ADAMTS6: variants seen among roughly 807,000 people sequenced by gnomAD.
ADAMTS6 encodes the protein A disintegrin and metalloproteinase with thrombospondin motifs 6.
A neutral mutation model predicts 144.3 loss-of-function variants in ADAMTS6; 23 were observed. The observed-to-expected ratio is 0.16, with a 90% CI of 0.11 to 0.23. The LOEUF (loss-of-function observed/expected upper bound fraction) is 0.23. Ranked by LOEUF, ADAMTS6 falls within the 10% of genes least tolerant of loss-of-function variation. The probability of loss-of-function intolerance (pLI) is 1.00; values close to 1 mark genes in which losing one functional copy is unlikely to be tolerated. For missense variants in ADAMTS6, 999 were observed against 1,379.6 expected, an observed-to-expected ratio of 0.72 and a Z score of 4.37; for synonymous variants, 444 against 457.5, an observed-to-expected ratio of 0.97 and a Z score of 0.38.
rs186613570 is a variant in ADAMTS6, at chr5:65,389,231, T to G, written c.1074-55146A>C. Among the ~76,000 whole-genome samples the G allele has an allele frequency of 2.3e-3, 346 of 151,208 alleles. 1 individual carries two copies. The highest frequency in any genetic ancestry group is 2.9e-3 in the African/African-American group (118 of 41,214). On this transcript the variant is annotated intron_variant, in intron 7 of 24. Transcript: ENST00000381055. ...AGAAAAAAAAAAAGAAAGAAAGAAA[T>G]AAAGGTTTCCAACACTTGGAATAAA...
At position 65,198,447 on chromosome 5, in the gene ADAMTS6, C is replaced by T. The variant is rs989727880; in HGVS notation, c.2576-1296G>A. Reference sequence around the variant, plus strand: ...AGAAACTGTCACCTAAAGAGCTACACACCAAATGCTTCCCCCAAGTTCCCC... The same window carrying T: ...AGAAACTGTCACCTAAAGAGCTACATACCAAATGCTTCCCCCAAGTTCCCC... On this transcript the variant is annotated intron_variant, in intron 20 of 24. Coordinates refer to ENST00000381055, the MANE Select transcript of ADAMTS6 (RefSeq NM_197941.4). 7 of 166,936 alleles carry T rather than the reference C, an allele frequency of 4.2e-5. No homozygotes were observed. In the East Asian group the frequency reaches 1.2e-3, roughly 27 times the overall value. 10.3% of individuals were successfully genotyped at this position (166,936 alleles called of 1,614,324 possible). A position where few individuals can be genotyped will look rare whatever the true frequency, so the allele number is the denominator to read the frequency against.
intron 8 of ADAMTS6, among the ~76,000 whole-genome samples, chr5:65,331,096 A>G (rs1174892324): frequency 6.6e-6 from 1 of 152,024 alleles, no homozygotes; most frequent in Admixed American, 6.6e-5. Flanking sequence ...ATTGCATTAT[A>G]TTATCTGGCT....
intron 7 of ADAMTS6, among the ~76,000 whole-genome samples, chr5:65,405,745 C>A (rs1176889097): frequency 2.0e-5 from 3 of 152,162 alleles, no homozygotes; most frequent in Non-Finnish European, 2.9e-5. Flanking sequence ...GCACTATGGC[C>A]ATTTTCACGA....
At position 65,303,724 on chromosome 5, in the gene ADAMTS6, A is replaced by C. The variant is rs1284461552; in HGVS notation, c.1224-3593T>G. 2.0e-5 allele frequency among the ~76,000 whole-genome samples: 3 copies of C among 152,020 alleles called. No individual in the cohort carries two copies. In the East Asian group the frequency reaches 5.8e-4, roughly 29 times the overall value. The stretch of plus-strand genomic sequence containing the variant: ...TAAAGTTCTAAAGGGGAATGAGCAC[A>C]TTGAATTAAAAGAGGGGAAAATGAT... On this transcript the variant is annotated intron_variant, in intron 9 of 24. Coordinates refer to ENST00000381055, the MANE Select transcript of ADAMTS6 (RefSeq NM_197941.4).
chr5:65,323,337 G>A (rs200177163), intron 9 of ADAMTS6, among the ~76,000 whole-genome samples: 1 of 137,624 alleles, frequency 7.3e-6, no homozygotes, highest in African/African-American at 2.8e-5. Context: ...TCATTGTTCA[G>A]TTCCCACCTA....
chr5:65,327,040 G>A lies in ADAMTS6; in HGVS notation c.1223+2338C>T, dbSNP rs2150053275. On this transcript the variant is annotated intron_variant, in intron 9 of 24. Coordinates refer to ENST00000381055, the MANE Select transcript of ADAMTS6 (RefSeq NM_197941.4). Reference sequence around the variant, plus strand: ...GGTGGGAGGTATTTGGGTAATGGGGGCAGATCCCTCATAATTGGCTTGGTG... The same window carrying A: ...GGTGGGAGGTATTTGGGTAATGGGGACAGATCCCTCATAATTGGCTTGGTG... Among the ~76,000 whole-genome samples, 3 of 152,252 alleles carry A rather than the reference G, an allele frequency of 2.0e-5. 1 individual carries two copies. The highest frequency in any genetic ancestry group is 2.0e-4 in the Admixed American group (3 of 15,280).
chr5:65,277,751 T>C (rs1443580359), intron 11 of ADAMTS6, among the ~76,000 whole-genome samples: 2 of 152,154 alleles, frequency 1.3e-5, no homozygotes, highest in African/African-American at 4.8e-5. Flanking sequence ...ATCTCTATCC[T>C]TGTCTGCTAG....
intron 14 of ADAMTS6, among the ~76,000 whole-genome samples, chr5:65,254,915 C>T (rs1055857468): frequency 6.6e-6 from 1 of 152,156 alleles, no homozygotes; most frequent in Non-Finnish European, 1.5e-5. Flanking sequence ...AATATGATTA[C>T]AATAATATGT....
intron 15 of ADAMTS6, among the ~76,000 whole-genome samples, chr5:65,229,239 A>G (rs887549947): frequency 2.6e-5 from 4 of 152,226 alleles, no homozygotes; most frequent in Non-Finnish European, 4.4e-5. Context: ...AAGAGAGAAT[A>G]AGAGGTGTGG....
intron 7 of ADAMTS6, among the ~76,000 whole-genome samples, chr5:65,432,930 G>C (rs1195693935): frequency 6.6e-6 from 1 of 152,006 alleles, no homozygotes; most frequent in African/African-American, 2.4e-5. Context: ...GTGAATGAAT[G>C]AATCAATTAA....
At chr5:65,210,497 T>G in intron 20 of ADAMTS6, 1 of 333,092 alleles carries the variant, frequency 3.0e-6, no homozygotes, top group South Asian at 4.4e-5. Flanking sequence ...GCGGAGTTGA[T>G]TGGAGATGAA....
intron 15 of ADAMTS6, among the ~76,000 whole-genome samples, chr5:65,231,803 A>G (rs941466677): frequency 6.6e-6 from 1 of 152,126 alleles, no homozygotes; most frequent in African/African-American, 2.4e-5. Flanking sequence ...TAAAAAATTA[A>G]ATCTAAAAGT....
In ADAMTS6 at chr5:65,460,410, G is replaced by C; in HGVS notation, c.463-72C>G. The C allele has an allele frequency of 2.2e-6, 3 of 1,390,006 alleles. No individual in the cohort carries two copies. In the Admixed American group the frequency reaches 6.9e-5, roughly 32 times the overall value. 86.1% of individuals were successfully genotyped at this position (1,390,006 alleles called of 1,614,324 possible). On this transcript the variant is annotated intron_variant, in intron 3 of 24. Transcript: ENST00000381055. ...ATATTAGTTATCATTATTACCAAGA[G>C]CTAAAAGTAAATGGACACTTCTCCA...
chr5:65,212,305 AC>A (rs1316092198), intron 20 of ADAMTS6, among the ~76,000 whole-genome samples: 1 of 151,392 alleles, frequency 6.6e-6, no homozygotes, highest in East Asian at 1.9e-4. Context: ...CCCACAACCA[AC>A]CCTAATGTGA....
intron 22 of ADAMTS6, among the ~76,000 whole-genome samples, chr5:65,174,317 G>A (rs1281490732): frequency 1.3e-5 from 2 of 152,200 alleles, no homozygotes; most frequent in Non-Finnish European, 2.9e-5. Flanking sequence ...CGGGAAGCGA[G>A]GTGATTAACA....
chr5:65,412,592 T>C (rs1755142653), intron 7 of ADAMTS6, among the ~76,000 whole-genome samples: 1 of 152,078 alleles, frequency 6.6e-6, no homozygotes, highest in Non-Finnish European at 1.5e-5. Flanking sequence ...TGATAACATG[T>C]CACTACACAA....
intron 7 of ADAMTS6, among the ~76,000 whole-genome samples, chr5:65,355,540 C>G (rs1749236963): frequency 6.6e-6 from 1 of 151,916 alleles, no homozygotes; most frequent in Non-Finnish European, 1.5e-5. Context: ...ACTCAAATCA[C>G]ATGCCTTCTC....
At chr5:65,391,145 T>G (rs1452519472) in intron 7 of ADAMTS6, among the ~76,000 whole-genome samples, 1 of 152,122 alleles carries the variant, frequency 6.6e-6, no homozygotes, top group Non-Finnish European at 1.5e-5. Context: ...CGTATCAAAC[T>G]CCTGGGCCCA....
rs1277633403 is a variant in ADAMTS6 at position 65,170,654 on chromosome 5, T to G, written c.3207A>C (p.Glu1069Asp). 6.2e-7 allele frequency: 1 copy of G among 1,614,106 alleles called. No individual in the cohort carries two copies. The highest frequency in any genetic ancestry group is 1.7e-5 in the Admixed American group (1 of 60,012). Residue 1069 changes from glutamate to aspartate, a missense_variant, in exon 24 of 25, where the codon GAA becomes GAC. Physicochemically the swap from Glu to Asp is conservative, Grantham distance 45. Coordinates refer to ENST00000381055, the MANE Select transcript of ADAMTS6 (RefSeq NM_197941.4). The stretch of plus-strand genomic sequence containing the variant: ...AAATGGGGGTACTGTCACATTTGCT[T>G]TCACACTGCTGCATTGATGGAGGCC... The part of the protein sequence containing the change: ...TVRPPSMQQC[E>D]SKCDSTPISN...
Sources: gnomAD v4.1 joint callset for allele counts (sites outside exome capture counted in the v4.1 genomes callset) on GRCh38, gnomAD v4.1.1 for gene constraint, MANE v1.5 for transcripts, NCBI Gene and HGNC (gene_info 2026-07-23, HGNC 2026-07-21) for gene names.